The following COL22A1 variants were observed in gnomAD, a reference collection of about 807,000 sequenced individuals.
COL22A1 encodes collagen type XXII alpha 1 chain, also known as collagen alpha-1(XXII) chain.
COL22A1 carries 221 observed loss-of-function variants against 248.9 expected under a neutral mutation model. The observed-to-expected ratio is 0.89, with a 90% confidence interval of 0.80 to 0.99. COL22A1 has a LOEUF of 0.99. COL22A1 is among the 50% of genes least tolerant of loss of function. The pLI, the probability that COL22A1 is intolerant of heterozygous loss-of-function variation, is 0.00. For missense variants in COL22A1, 2,240 were observed against 2,179.0 expected, an observed-to-expected ratio of 1.03 and a Z score of -0.56; for synonymous variants, 891 against 793.4, an observed-to-expected ratio of 1.12 and a Z score of -2.07.
intron 41 of COL22A1, among the ~76,000 whole-genome samples, chr8:138,664,281 C>G (rs999668178): frequency 6.6e-6 from 1 of 150,522 alleles, no homozygotes; most frequent in Admixed American, 6.6e-5. Context: ...AGACATGGGT[C>G]TGGCATCCTC....
At chr8:138,756,309 G>T (rs1388983325) in intron 18 of COL22A1, among the ~76,000 whole-genome samples, 3 of 152,138 alleles carry the variant, frequency 2.0e-5, no homozygotes, top group African/African-American at 7.2e-5. Context: ...ATGTGGCACT[G>T]CTTCTCATCC....
chr8:138,865,531 A>G (rs11776837), intron 3 of COL22A1, among the ~76,000 whole-genome samples: 137,590 of 150,820 alleles, frequency 0.91, 62,767 homozygotes, highest in East Asian at 0.98. Context: ...GTGAGTATAC[A>G]TGTTTATGTT....
intron 16 of COL22A1, among the ~76,000 whole-genome samples, chr8:138,774,173 A>G (rs1814160158): frequency 1.3e-5 from 2 of 152,146 alleles, no homozygotes; most frequent in African/African-American, 4.8e-5. Context: ...AGTTAAAATG[A>G]TTAAAATTTA....
chr8:138,686,254 A>G (rs936000095), intron 37 of COL22A1, among the ~76,000 whole-genome samples: 2 of 152,072 alleles, frequency 1.3e-5, no homozygotes, highest in Admixed American at 1.3e-4. Context: ...CGGCTTGAGG[A>G]CCTGGGCTTT....
In COL22A1 at chr8:138,911,934, T is replaced by C. The variant is rs1815480308; in HGVS notation, c.-73+1685A>G. Among the ~76,000 whole-genome samples, 7 of 152,010 alleles carry C rather than the reference T, an allele frequency of 4.6e-5. No individual in the cohort carries two copies. The South Asian group carries it at 1.2e-3, about 27-fold the overall frequency. On this transcript the variant is annotated intron_variant, in intron 1 of 64. Transcript: ENST00000303045. ...GTCTAATAAGACAGGCCCAACAATA[T>C]CAAAGTGACCATTTCCCACAGTTGC...
intron 22 of COL22A1, among the ~76,000 whole-genome samples, chr8:138,738,005 C>T (rs1213021237): frequency 2.6e-5 from 4 of 152,048 alleles, no homozygotes; most frequent in African/African-American, 9.7e-5. Context: ...CACACACTCC[C>T]CCGTCCCCCG....
intron 3 of COL22A1, among the ~76,000 whole-genome samples, chr8:138,847,720 A>G (rs56691429): frequency 0.019 from 2,819 of 152,172 alleles, 88 homozygotes; most frequent in African/African-American, 0.062. Context: ...CATATGAAAC[A>G]TAATGTTTGG....
At chr8:138,745,596 A>G (rs950407245) in intron 22 of COL22A1, among the ~76,000 whole-genome samples, 2 of 152,228 alleles carry the variant, frequency 1.3e-5, no homozygotes, top group Admixed American at 1.3e-4. Context: ...TTCCTCTCAT[A>G]GTCTTACATT....
At chr8:138,699,858 GCCT>G (rs1827809564) in intron 32 of COL22A1, among the ~76,000 whole-genome samples, 1 of 152,254 alleles carries the variant, frequency 6.6e-6, no homozygotes, top group Non-Finnish European at 1.5e-5. Flanking sequence ...TCCCAGAGAT[GCCT>G]GGCCTTTGCT....
chr8:138,594,291 C>T lies in COL22A1; in HGVS notation c.4433-92G>A, dbSNP rs1201298746. The T allele has an allele frequency of 1.4e-5, 15 of 1,092,106 alleles. No homozygotes were observed. The African/African-American group carries it at 2.1e-4, about 15-fold the overall frequency. The allele number at this position is 1,092,106 out of a possible 1,614,324, so 67.7% of individuals were successfully genotyped here. ...TCACTGACAACTCAGAACCAGGGGG[C>T]CGATAATAGCTGCAGAAACGGACAT... On this transcript the variant is annotated intron_variant, in intron 62 of 64. Coordinates refer to ENST00000303045, the MANE Select transcript of COL22A1 (RefSeq NM_152888.3).
At chr8:138,702,745 G>A (rs1179066065) in intron 31 of COL22A1, among the ~76,000 whole-genome samples, 1 of 152,100 alleles carries the variant, frequency 6.6e-6, no homozygotes, top group Admixed American at 6.5e-5. Context: ...ATATTTTGTA[G>A]TTTCAATTAA....
intron 37 of COL22A1, among the ~76,000 whole-genome samples, chr8:138,687,043 G>A (rs1403459270): frequency 1.3e-5 from 2 of 152,148 alleles, no homozygotes; most frequent in African/African-American, 4.8e-5. Context: ...GGCAACCTCC[G>A]CTTCCCAGGT....
chr8:138,702,952 G>A (rs1056528980), intron 31 of COL22A1, among the ~76,000 whole-genome samples: 18 of 152,146 alleles, frequency 1.2e-4, no homozygotes, highest in Admixed American at 5.2e-4. Flanking sequence ...CGTATAGAGG[G>A]CCAATGAATG....
chr8:138,704,560 G>A (rs1436685134), intron 30 of COL22A1, among the ~76,000 whole-genome samples: 1 of 152,064 alleles, frequency 6.6e-6, no homozygotes, highest in East Asian at 1.9e-4. Context: ...TGCAGCTGAG[G>A]GTCCTGACTG....
At chr8:138,897,573 T>C (rs7820219) in intron 1 of COL22A1, among the ~76,000 whole-genome samples, 1 of 133,516 alleles carries the variant, frequency 7.5e-6, no homozygotes, top group East Asian at 2.3e-4. Flanking sequence ...ATAATAATAA[T>C]AAGTAACTTA....
At chr8:138,749,321 G>A (rs750894998) in intron 22 of COL22A1, among the ~76,000 whole-genome samples, 1 of 152,144 alleles carries the variant, frequency 6.6e-6, no homozygotes, top group Non-Finnish European at 1.5e-5. Flanking sequence ...TTCCCTCCTT[G>A]CCTTAACAAG....
intron 29 of COL22A1, among the ~76,000 whole-genome samples, chr8:138,715,980 C>T (rs539616389): frequency 2.6e-5 from 4 of 152,298 alleles, no homozygotes; most frequent in Admixed American, 6.5e-5. Context: ...CACCCCTCAG[C>T]CCCATCTGCC....
intron 7 of COL22A1, among the ~76,000 whole-genome samples, chr8:138,815,223 A>G (rs1441781989): frequency 1.3e-5 from 2 of 152,144 alleles, no homozygotes; most frequent in Non-Finnish European, 2.9e-5. Flanking sequence ...TTAGCAGCAT[A>G]AGAACAGACT....
chr8:138,793,547 T>C (rs1816246606), intron 12 of COL22A1, among the ~76,000 whole-genome samples: 1 of 152,174 alleles, frequency 6.6e-6, no homozygotes, highest in South Asian at 2.1e-4. Context: ...GACTCAGACT[T>C]TGCTAAAAAT....
Sources: gnomAD v4.1 joint callset for allele counts (sites outside exome capture counted in the v4.1 genomes callset) on GRCh38, gnomAD v4.1.1 for gene constraint, MANE v1.5 for transcripts, NCBI Gene and HGNC (gene_info 2026-07-23, HGNC 2026-07-21) for gene names.